Variants in DNAH11 observed in about 807,000 individuals in gnomAD.
The protein encoded by DNAH11 is axonemal beta dynein heavy chain 11.
Under a neutral mutation model 526.0 loss-of-function variants are expected in DNAH11, and 442 were observed. That is an observed-to-expected ratio of 0.84 (90% CI 0.78 to 0.91). DNAH11 has a LOEUF of 0.91. Ranked by LOEUF, DNAH11 falls within the 40% of genes least tolerant of loss-of-function variation. The pLI is 0.00. For missense variants in DNAH11, 6,989 were observed against 5,448.7 expected (o/e 1.28, Z -8.90); for synonymous variants, 2,461 against 1,935.9 (o/e 1.27, Z -7.12).
intron 30 of DNAH11, among the ~76,000 whole-genome samples, chr7:21,676,620 TGAC>T (rs1782902288): frequency 6.6e-6 from 1 of 152,226 alleles, no homozygotes; most frequent in Non-Finnish European, 1.5e-5. Context: ...ATCTTCCATT[TGAC>T]TGCACTTCTG....
chr7:21,699,782 A>G (rs1048782147), intron 36 of DNAH11, among the ~76,000 whole-genome samples: 3 of 152,008 alleles, frequency 2.0e-5, no homozygotes, highest in African/African-American at 7.2e-5. Context: ...TGGAGTTTCA[A>G]CTATATCTAT....
At chr7:21,655,681 A>G (rs1022666533) in intron 28 of DNAH11, 151 bp from the exon 29 acceptor site, 11 of 777,212 alleles carry the variant, frequency 1.4e-5, no homozygotes, top group Non-Finnish European at 2.2e-5. Flanking sequence ...AAGCTCTCAT[A>G]TTTTAGAAGT....
At chr7:21,753,203 A>G (rs922513739) in intron 54 of DNAH11, among the ~76,000 whole-genome samples, 3 of 152,102 alleles carry the variant, frequency 2.0e-5, no homozygotes, top group Non-Finnish European at 4.4e-5. Flanking sequence ...AGGTGGGTGC[A>G]GTATGTTCAT....
At chr7:21,644,158 A>C (rs978251568) in intron 28 of DNAH11, among the ~76,000 whole-genome samples, 1 of 152,222 alleles carries the variant, frequency 6.6e-6, no homozygotes, top group Admixed American at 6.5e-5. Flanking sequence ...GACTGTAAAT[A>C]TTGGCATTCA....
Position 21,658,139 on chromosome 7 carries a change from G to T in DNAH11, c.5095-659G>T, listed in dbSNP as rs540429076. Among the ~76,000 whole-genome samples the T allele has an allele frequency of 4.0e-5, 6 of 151,800 alleles. No individual in the cohort carries two copies. In the East Asian group the frequency reaches 1.2e-3, roughly 29 times the overall value. On this transcript the variant is annotated intron_variant, in intron 29 of 81. Coordinates refer to ENST00000409508, the MANE Select transcript of DNAH11 (RefSeq NM_001277115.2). ...ACTGGGCTAAGTTGTATTTTTGGGC[G>T]CAAACTAAGCTTCAATTTTTTAAAA...
rs1267498574 is a variant in DNAH11 at position 21,564,400 on chromosome 7, A to G, written c.1194+3A>G. On this transcript the variant is annotated splice_donor_region_variant and intron_variant, in intron 6 of 81. Transcript: ENST00000409508. ...TTTGTAATCTCTTCATTAACCAGGT[A>G]TGAAGCATCAAAAAACAGGAACAAT... is the stretch of plus-strand genomic sequence containing the variant. 6.2e-7 allele frequency: 1 copy of G among 1,604,442 alleles called. No individual in the cohort carries two copies. Among genetic ancestry groups the G allele is most frequent in the Admixed American group, 1.7e-5 (1 of 59,290 alleles).
chr7:21,894,594 G>A (rs1784440935), intron 77 of DNAH11, 29 bp from the exon 78 acceptor site: 3 of 1,604,932 alleles, frequency 1.9e-6, no homozygotes, highest in Middle Eastern at 3.4e-4. Flanking sequence ...AAATAGAAAG[G>A]AGCTAAATCT....
chr7:21,565,586 C>G (rs1034109146), intron 6 of DNAH11, among the ~76,000 whole-genome samples: 1 of 152,126 alleles, frequency 6.6e-6, no homozygotes, highest in Admixed American at 6.5e-5. Context: ...CTCTCTGATT[C>G]TGAAAAGATA....
At chr7:21,731,455 A>G (rs1229476811) in intron 45 of DNAH11, among the ~76,000 whole-genome samples, 1 of 152,240 alleles carries the variant, frequency 6.6e-6, no homozygotes, top group African/African-American at 2.4e-5. Flanking sequence ...GGAAATCTAC[A>G]CAGCAGTAAG....
rs531355606 is a variant in DNAH11 at position 21,686,772 on chromosome 7, A to G, written c.5622-327A>G. 1.5e-3 allele frequency among the ~76,000 whole-genome samples: 233 copies of G among 152,280 alleles called. 2 individuals are homozygous for G. The highest frequency in any genetic ancestry group is 1.8e-3 in the Non-Finnish European group (120 of 68,018). Reference sequence around the variant, plus strand: ...CAATAGTTTGGATGTTGTCTGCCATATTAATATCTTTACCTAGAAATATCA... The same window carrying G: ...CAATAGTTTGGATGTTGTCTGCCATGTTAATATCTTTACCTAGAAATATCA... On this transcript the variant is annotated intron_variant, in intron 32 of 81. Transcript: ENST00000409508.
chr7:21,619,160 A>C lies in DNAH11; in HGVS notation c.4315A>C (p.Arg1439=). The C allele has an allele frequency of 6.2e-7, 1 of 1,613,612 alleles. No individual in the cohort carries two copies. The change falls in exon 24 of 82, where the codon AGA becomes CGA. Residue 1439 remains arginine, a synonymous_variant. Coordinates refer to ENST00000409508, the MANE Select transcript of DNAH11 (RefSeq NM_001277115.2). ...AGATTTGTTAGCACTGCGGTTACAC[A>C]GAGTGGAAGATGATGTCCGAAGGAT... The part of the protein sequence containing the change: ...LADLLALRLH[R]VEDDVRRIVD...
intron 25 of DNAH11, among the ~76,000 whole-genome samples, chr7:21,629,536 C>T (rs948178861): frequency 2.0e-5 from 3 of 152,068 alleles, no homozygotes; most frequent in Non-Finnish European, 4.4e-5. Flanking sequence ...GTGTTGCAGC[C>T]TATCTTTCCC....
intron 61 of DNAH11, 28 bp from the exon 62 acceptor site, chr7:21,801,109 C>G: frequency 6.3e-7 from 1 of 1,582,750 alleles, no homozygotes; most frequent in Non-Finnish European, 8.6e-7. Flanking sequence ...CTAAAAATGA[C>G]TCAAAAGTTA....
Position 21,901,164 on chromosome 7 carries a change from C to T in DNAH11, c.13461C>T (p.Gly4487=), listed in dbSNP as rs769884268. ...ECPVYRTKLR[G]PSYIWTFRLK... is the part of the protein sequence containing the mutation. ...CTGTGTATAGAACCAAACTGAGAGG[C>T]CCCAGCTACATCTGGACCTTCAGGC... The change falls in exon 82 of 82, where the codon GGC becomes GGT. Residue 4487 remains glycine (G), a synonymous_variant. Transcript: ENST00000409508. 3 of 1,611,864 alleles carry T rather than the reference C, an allele frequency of 1.9e-6. No homozygotes were observed. The highest frequency in any genetic ancestry group is 1.1e-5 in the South Asian group (1 of 91,066).
chr7:21,599,953 A>G lies in DNAH11; in HGVS notation c.2834A>G (p.Gln945Arg), dbSNP rs774873077. 4 of 1,613,584 alleles carry G rather than the reference A, an allele frequency of 2.5e-6. No individual in the cohort carries two copies. The African/African-American group carries it at 4.0e-5, about 16-fold the overall frequency. ...CAATTGAAACCGGCACCGTTTTTTC[A>G]AGCACAAATGATCTTGTTGCCTCCT... is the stretch of plus-strand genomic sequence containing the variant. ...EKQLKPAPFFQAQMILLPPEI... is the reference protein window; with the variant it reads ...EKQLKPAPFFRAQMILLPPEI... Residue 945 changes from glutamine (Q) to arginine (R), a missense_variant, in exon 15 of 82, where the codon CAA becomes CGA. Gln to Arg is a conservative substitution (Grantham distance 43). Transcript: ENST00000409508.
At chr7:21,607,793 C>G (rs1039102030) in intron 20 of DNAH11, among the ~76,000 whole-genome samples, 1 of 151,794 alleles carries the variant, frequency 6.6e-6, no homozygotes, top group Non-Finnish European at 1.5e-5. Context: ...AAAAAAATTG[C>G]TGGGCATGGT....
chr7:21,571,942 G>A lies in DNAH11; in HGVS notation c.1562G>A (p.Ser521Asn), dbSNP rs768902278. 15 of 1,606,128 alleles carry A rather than the reference G, an allele frequency of 9.3e-6. No individual in the cohort carries two copies. The highest frequency in any genetic ancestry group is 1.3e-5 in the Non-Finnish European group (15 of 1,177,142). ...LMELCKLFKQ[S>N]TYDPSDCTNM... ...GAACTCTGTAAACTTTTTAAACAGA[G>A]CACTTATGACCCATCTGATTGCACT... Residue 521 changes from serine (S) to asparagine (N), a missense_variant, in exon 8 of 82, where the codon AGC (serine) becomes AAC (asparagine). By Grantham distance (46) the Ser-to-Asn change is conservative. Coordinates refer to ENST00000409508, the MANE Select transcript of DNAH11 (RefSeq NM_001277115.2).
At chr7:21,775,369 C>T (rs1043576343) in intron 56 of DNAH11, among the ~76,000 whole-genome samples, 2 of 152,130 alleles carry the variant, frequency 1.3e-5, no homozygotes, top group Non-Finnish European at 2.9e-5. Context: ...TTAATCCCAG[C>T]ACTTTGGGAG....
chr7:21,710,895 C>G (rs1430633347), intron 41 of DNAH11, among the ~76,000 whole-genome samples, 192 bp downstream of exon 41: 2 of 152,096 alleles, frequency 1.3e-5, no homozygotes, highest in Non-Finnish European at 2.9e-5. Flanking sequence ...GGAATATGTT[C>G]TCTTTGTTTC....
Sources: gnomAD v4.1 joint callset for allele counts (sites outside exome capture counted in the v4.1 genomes callset) on GRCh38, gnomAD v4.1.1 for gene constraint, MANE v1.5 for transcripts, NCBI Gene and HGNC (gene_info 2026-07-23, HGNC 2026-07-21) for gene names.